Variants in ILRUN observed in about 807,000 individuals in gnomAD.
The protein encoded by ILRUN is protein ILRUN.
A neutral mutation model predicts 33.8 loss-of-function variants in ILRUN; 3 were observed. The ratio of observed to expected loss-of-function variants is 0.09; its 90% CI spans 0.04 to 0.23. The LOEUF is 0.23. Among genes scored for constraint, ILRUN ranks in the 10% least tolerant of loss-of-function variants. The probability of loss-of-function intolerance (pLI) is 1.00; values close to 1 mark genes in which losing one functional copy is unlikely to be tolerated. For synonymous variants in ILRUN, 124 were observed against 138.9 expected (o/e 0.89, Z 0.75); for missense variants, 210 against 375.1 (o/e 0.56, Z 3.64).
rs554325854 is a variant in ILRUN at position 34,653,171 on chromosome 6, A to G, written c.313+1454T>C. On this transcript the variant is annotated intron_variant, in intron 2 of 4. Coordinates refer to ENST00000374023, the MANE Select transcript of ILRUN (RefSeq NM_024294.4). ...AAAAAAGAAAAAGAAAGAAAGAAAGAAAAAAAATTTAGACACATAGACACT... is the reference window on the plus strand; with the variant it reads ...AAAAAAGAAAAAGAAAGAAAGAAAGGAAAAAAATTTAGACACATAGACACT... Among the ~76,000 whole-genome samples the G allele has an allele frequency of 1.2e-4, 18 of 145,546 alleles. No homozygotes were observed. In the South Asian group the frequency reaches 3.8e-3, roughly 31 times the overall value.
chr6:34,681,807 A>T, intron 1 of ILRUN, among the ~76,000 whole-genome samples: 1 of 146,772 alleles, frequency 6.8e-6, no homozygotes, highest in African/African-American at 2.5e-5. Flanking sequence ...ATCAGAAGGG[A>T]TTTTACTATA....
intron 3 of ILRUN, among the ~76,000 whole-genome samples, chr6:34,631,207 A>C (rs1762237384): frequency 1.3e-5 from 2 of 152,216 alleles, no homozygotes; most frequent in African/African-American, 4.8e-5. Context: ...ACTGGCTAAA[A>C]GAAACTGTAG....
At chr6:34,634,748 C>T (rs1411308434) in intron 3 of ILRUN, among the ~76,000 whole-genome samples, 1 of 152,148 alleles carries the variant, frequency 6.6e-6, no homozygotes. Context: ...AATAGATTAC[C>T]TTAATAGACC....
chr6:34,656,860 A>C (rs948396955), intron 1 of ILRUN, among the ~76,000 whole-genome samples: 4 of 152,220 alleles, frequency 2.6e-5, no homozygotes, highest in Non-Finnish European at 5.9e-5. Context: ...TGCCTATGGT[A>C]TATGTGCTTG....
chr6:34,677,311 G>GAA (rs1763256609), intron 1 of ILRUN, among the ~76,000 whole-genome samples: 1 of 150,026 alleles, frequency 6.7e-6, no homozygotes, highest in Non-Finnish European at 1.5e-5. Context: ...TGTCTCAAAG[G>GAA]AAAAAAAGAG....
rs1761256878 is a variant in ILRUN at position 34,589,527 on chromosome 6, T to G, written c.*1038A>C. 6.6e-6 allele frequency: 1 copy of G among 152,240 alleles called. No homozygotes were observed. Among genetic ancestry groups the G allele is most frequent in the African/African-American group, 2.4e-5 (1 of 41,446 alleles). The allele number at this position is 152,240 out of a possible 1,614,324, so 9.4% of individuals were successfully genotyped here. A position where few individuals can be genotyped will look rare whatever the true frequency, so the allele number is the denominator to read the frequency against. The stretch of plus-strand genomic sequence containing the variant: ...AACTGAAGAGAAACAGGGAAAGGTG[T>G]TGTGTGACAACAGAGAAGCATGGGC... On this transcript the variant is annotated 3_prime_UTR_variant, in exon 5 of 5. Coordinates refer to ENST00000374023, the MANE Select transcript of ILRUN (RefSeq NM_024294.4).
rs56023958 is a variant in ILRUN, at chr6:34,678,614, G to A, written c.158+17832C>T. On this transcript the variant is annotated intron_variant, in intron 1 of 4. Transcript: ENST00000374023. ...TGTAATCCCAGCACTTTGGGAGGCC[G>A]AGGCAGGTGGATCACGAGGTCAGGA... 5.3e-5 allele frequency among the ~76,000 whole-genome samples: 8 copies of A among 151,746 alleles called. No homozygotes were observed. The East Asian group carries it at 5.8e-4, about 11-fold the overall frequency.
intron 2 of ILRUN, 104 bp downstream of exon 2, chr6:34,654,521 C>A: frequency 8.3e-7 from 1 of 1,198,816 alleles, no homozygotes; most frequent in Non-Finnish European, 1.2e-6. Context: ...TAAGAGAAAG[C>A]TCGCAGTTAC....
At chr6:34,631,655 T>C (rs975617609) in intron 3 of ILRUN, among the ~76,000 whole-genome samples, 2 of 152,142 alleles carry the variant, frequency 1.3e-5, no homozygotes, top group African/African-American at 4.8e-5. Flanking sequence ...TTGCTCACTA[T>C]TTATATATCT....
chr6:34,677,634 A>C (rs1763263959), intron 1 of ILRUN, among the ~76,000 whole-genome samples: 1 of 152,126 alleles, frequency 6.6e-6, no homozygotes. Context: ...GTTGTTCCCC[A>C]AAGTATAATG....
chr6:34,626,562 T>C (rs538618924), intron 3 of ILRUN, among the ~76,000 whole-genome samples: 3 of 152,342 alleles, frequency 2.0e-5, no homozygotes, highest in African/African-American at 7.2e-5. Flanking sequence ...CCTATCAACA[T>C]ACTGCACCAC....
chr6:34,588,324 C>A lies in ILRUN; in HGVS notation c.*2241G>T. On this transcript the variant is annotated 3_prime_UTR_variant, in exon 5 of 5. Transcript: ENST00000374023. ...GACGACTCTGGCAGGCCCAGACCCACTGACGGTGGCCCATGAAGCCCCTGC... is the reference window on the plus strand; with the variant it reads ...GACGACTCTGGCAGGCCCAGACCCAATGACGGTGGCCCATGAAGCCCCTGC... The A allele has an allele frequency of 2.5e-6, 1 of 398,114 alleles. No individual in the cohort carries two copies. Among genetic ancestry groups the A allele is most frequent in the South Asian group, 1.4e-4 (1 of 7,364 alleles). The allele number at this position is 398,114 out of a possible 1,614,324, so 24.7% of individuals were successfully genotyped here.
intron 3 of ILRUN, among the ~76,000 whole-genome samples, chr6:34,627,247 A>G (rs1444526561): frequency 2.6e-5 from 4 of 152,090 alleles, no homozygotes; most frequent in Non-Finnish European, 4.4e-5. Context: ...ATTTCTTTTT[A>G]GTGCTGAGTT....
At chr6:34,675,829 CAATA>C (rs1437139433) in intron 1 of ILRUN, among the ~76,000 whole-genome samples, 1 of 151,904 alleles carries the variant, frequency 6.6e-6, no homozygotes, top group Non-Finnish European at 1.5e-5. Context: ...TACAAAAGGC[CAATA>C]AAGATATGGA....
chr6:34,592,487 C>T lies in ILRUN; in HGVS notation c.862-1887G>A, dbSNP rs935987595. Among the ~76,000 whole-genome samples the T allele has an allele frequency of 5.9e-5, 9 of 152,256 alleles. No individual in the cohort carries two copies. The highest frequency in any genetic ancestry group is 2.2e-4 in the African/African-American group (9 of 41,464). ...GTGTGCACTGGGGCAGCAAAGGGCT[C>T]TCAGATTCCATTTTGCAAGTCCTGG... On this transcript the variant is annotated intron_variant, in intron 4 of 4. Coordinates refer to ENST00000374023, the MANE Select transcript of ILRUN (RefSeq NM_024294.4). The surrounding 1 kb of genome is among the most constrained non-coding windows in gnomAD (Gnocchi z 4.0).
At chr6:34,625,183 C>A (rs897831895) in intron 3 of ILRUN, among the ~76,000 whole-genome samples, 1 of 152,104 alleles carries the variant, frequency 6.6e-6, no homozygotes, top group Non-Finnish European at 1.5e-5. Context: ...CTCCTCCCCC[C>A]TTCCCCTCTT....
At position 34,592,339 on chromosome 6, in the gene ILRUN, C is replaced by T. The variant is rs1582026855; in HGVS notation, c.862-1739G>A. ...AGGCAACCTGATTAAGGGAGCAGCA[C>T]TGGTGAGGGAAGCAACTGGCATTTG... On this transcript the variant is annotated intron_variant, in intron 4 of 4. Coordinates refer to ENST00000374023, the MANE Select transcript of ILRUN (RefSeq NM_024294.4). This position sits in a 1 kb window ranked among gnomAD's most constrained non-coding sequence, Gnocchi z 4.0. Among the ~76,000 whole-genome samples the T allele has an allele frequency of 6.6e-6, 1 of 152,382 alleles. No individual in the cohort carries two copies. Among genetic ancestry groups the T allele is most frequent in the African/African-American group, 2.4e-5 (1 of 41,594 alleles).
intron 1 of ILRUN, among the ~76,000 whole-genome samples, chr6:34,683,731 T>C (rs536816203): frequency 4.6e-5 from 7 of 151,826 alleles, no homozygotes; most frequent in African/African-American, 1.7e-4. Flanking sequence ...GTCTTCAGTG[T>C]TTTAAAAATA....
At position 34,589,219 on chromosome 6, in the gene ILRUN, G is replaced by C. The variant is rs534834116; in HGVS notation, c.*1346C>G. ...AGATATCCACATCTCAACCTGCTCA[G>C]AATCTACAGGATGCCAGGGCAGGCC... On this transcript the variant is annotated 3_prime_UTR_variant, in exon 5 of 5. Coordinates refer to ENST00000374023, the MANE Select transcript of ILRUN (RefSeq NM_024294.4). 2.0e-5 allele frequency: 3 copies of C among 152,728 alleles called. No homozygotes were observed. The highest frequency in any genetic ancestry group is 2.1e-4 in the South Asian group (1 of 4,834). The allele number at this position is 152,728 out of a possible 1,614,324, so 9.5% of individuals were successfully genotyped here. A position where few individuals can be genotyped will look rare whatever the true frequency, so the allele number is the denominator to read the frequency against.
Sources: allele counts gnomAD v4.1 joint callset (sites outside exome capture counted in the v4.1 genomes callset), GRCh38; gene constraint gnomAD v4.1.1; non-coding constraint Gnocchi (gnomAD v3.1); transcripts MANE v1.5; gene names NCBI Gene and HGNC (gene_info 2026-07-23, HGNC 2026-07-21).